Variants in AGBL1 observed in about 807,000 individuals in gnomAD.
The protein encoded by AGBL1 is AGBL carboxypeptidase 1.
In AGBL1, 130 loss-of-function variants were observed where a neutral mutation model predicts 118.9. The ratio of observed to expected loss-of-function variants is 1.09; its 90% confidence interval spans 0.95 to 1.26. The LOEUF (loss-of-function observed/expected upper bound fraction) is 1.26. AGBL1 is among the 50% of genes most tolerant of loss of function. The probability of loss-of-function intolerance (pLI) is 0.00; values close to 1 mark genes in which losing one functional copy is unlikely to be tolerated. For missense variants in AGBL1, 1,584 were observed against 1,298.1 expected, an observed-to-expected ratio of 1.22 and a Z score of -3.38; for synonymous variants, 555 against 478.9, an observed-to-expected ratio of 1.16 and a Z score of -2.08.
chr15:86,586,873 T>C (rs1167946599), intron 21 of AGBL1, among the ~76,000 whole-genome samples: 3 of 152,154 alleles, frequency 2.0e-5, no homozygotes, highest in African/African-American at 4.8e-5. Context: ...GGGTCTGTTA[T>C]TTGTCATGTG....
chr15:86,271,425 G>T (rs1314031642), intron 14 of AGBL1, among the ~76,000 whole-genome samples, 194 bp from the exon 15 acceptor site: 5 of 152,054 alleles, frequency 3.3e-5, no homozygotes, highest in African/African-American at 9.7e-5. Flanking sequence ...ATTTATGATT[G>T]CATTTAGGGC....
chr15:86,938,471 C>T (rs537330744), intron 23 of AGBL1, among the ~76,000 whole-genome samples: 2 of 152,146 alleles, frequency 1.3e-5, no homozygotes, highest in Non-Finnish European at 2.9e-5. Flanking sequence ...AAGTGTTGTT[C>T]CCTAATGCCT....
At chr15:86,432,730 G>A (rs190603933) in intron 18 of AGBL1, among the ~76,000 whole-genome samples, 134 of 152,350 alleles carry the variant, frequency 8.8e-4, no homozygotes, top group African/African-American at 3.2e-3. Context: ...GCCTGAAGGA[G>A]GTAGGGAGAT....
chr15:86,206,038 C>T (rs1253215503), intron 5 of AGBL1, among the ~76,000 whole-genome samples: 1 of 152,128 alleles, frequency 6.6e-6, no homozygotes. Context: ...CAAGTGTTCT[C>T]ATTGTTCGAT....
chr15:86,984,887 C>T (rs1317367816), intron 23 of AGBL1, among the ~76,000 whole-genome samples: 1 of 152,150 alleles, frequency 6.6e-6, no homozygotes, highest in Non-Finnish European at 1.5e-5. Flanking sequence ...ACTTCCATCC[C>T]TGCCTCCACT....
intron 18 of AGBL1, among the ~76,000 whole-genome samples, chr15:86,401,191 G>A (rs369883265): frequency 4.6e-5 from 7 of 152,028 alleles, no homozygotes; most frequent in African/African-American, 1.7e-4. Context: ...GTTTTAATTT[G>A]CATTTCCTTT....
intron 1 of AGBL1, among the ~76,000 whole-genome samples, chr15:86,108,494 T>C (rs1171602472): frequency 6.6e-6 from 1 of 152,178 alleles, no homozygotes; most frequent in East Asian, 1.9e-4. Flanking sequence ...ATACCTCCTG[T>C]AGTCCCAGGA....
At chr15:86,238,626 C>T (rs2078592300) in intron 6 of AGBL1, among the ~76,000 whole-genome samples, 1 of 152,076 alleles carries the variant, frequency 6.6e-6, no homozygotes, top group Non-Finnish European at 1.5e-5. Flanking sequence ...TGAGAAAATG[C>T]TGTCAGTTAC....
At chr15:86,295,686 C>T (rs968187754) in intron 17 of AGBL1, 1 of 251,216 alleles carries the variant, frequency 4.0e-6, no homozygotes, top group Non-Finnish European at 7.6e-6. Flanking sequence ...AAAACAGAAC[C>T]AGGACCCTGA....
At chr15:86,968,107 C>G (rs2081072660) in intron 23 of AGBL1, among the ~76,000 whole-genome samples, 1 of 151,728 alleles carries the variant, frequency 6.6e-6, no homozygotes, top group Non-Finnish European at 1.5e-5. Flanking sequence ...TAATATTGCC[C>G]AACTTCAAAG....
At chr15:86,114,656 A>T (rs904856740) in intron 1 of AGBL1, among the ~76,000 whole-genome samples, 1 of 152,148 alleles carries the variant, frequency 6.6e-6, no homozygotes, top group Non-Finnish European at 1.5e-5. Flanking sequence ...ATGCATATGA[A>T]TCCTGTTGAA....
chr15:86,399,284 T>C (rs1032074433), intron 18 of AGBL1, among the ~76,000 whole-genome samples: 2 of 152,130 alleles, frequency 1.3e-5, no homozygotes, highest in Non-Finnish European at 2.9e-5. Context: ...AGTGAATGGC[T>C]CCTCCCTGCT....
In AGBL1 at chr15:86,911,878, T is replaced by G. The variant is rs751378389; in HGVS notation, c.*4584T>G. The G allele has an allele frequency of 6.6e-6, 1 of 152,158 alleles. No individual in the cohort carries two copies. Among genetic ancestry groups the G allele is most frequent in the Non-Finnish European group, 1.5e-5 (1 of 68,024 alleles). 9.4% of individuals were successfully genotyped at this position (152,158 alleles called of 1,614,324 possible). On this transcript the variant is annotated 3_prime_UTR_variant, in exon 23 of 23. Coordinates refer to ENST00000614907, the MANE Select transcript of AGBL1 (RefSeq NM_001386094.1). ...CTGTTTATATATCTCTTTTATACTA[T>G]GCTTATTTTTAACTTGATAAATATG... is the stretch of plus-strand genomic sequence containing the variant.
chr15:86,461,011 A>G (rs1317557991), intron 18 of AGBL1, among the ~76,000 whole-genome samples: 1 of 152,154 alleles, frequency 6.6e-6, no homozygotes, highest in Non-Finnish European at 1.5e-5. Context: ...GAATGATATG[A>G]TCTTATTTTC....
At chr15:86,220,359 C>G (rs185443230) in intron 5 of AGBL1, among the ~76,000 whole-genome samples, 1 of 152,116 alleles carries the variant, frequency 6.6e-6, no homozygotes. Context: ...CTCTAGCATT[C>G]CCGTGAAGAT....
At chr15:86,713,910 C>A (rs577890266) in intron 22 of AGBL1, among the ~76,000 whole-genome samples, 1 of 152,080 alleles carries the variant, frequency 6.6e-6, no homozygotes, top group East Asian at 1.9e-4. Context: ...GTTGAGCATG[C>A]GGCTGTTAGA....
chr15:86,812,913 C>A (rs2078810084), intron 22 of AGBL1, among the ~76,000 whole-genome samples: 1 of 151,682 alleles, frequency 6.6e-6, no homozygotes, highest in African/African-American at 2.4e-5. Context: ...ATGCCAAAGT[C>A]CATGTTAAAG....
rs1483885339 is a variant in AGBL1, at chr15:86,914,757, T to C, written c.*7463T>C. On this transcript the variant is annotated 3_prime_UTR_variant, in exon 23 of 23. Transcript: ENST00000614907. ...AACTCAGGCAATCGGACTCTTAAAC[T>C]TGCTCTCCAAGGAAAAACATCTTTC... is the stretch of plus-strand genomic sequence containing the variant. The C allele has an allele frequency of 1.3e-5, 2 of 152,144 alleles. No individual in the cohort carries two copies. The highest frequency in any genetic ancestry group is 4.8e-5 in the African/African-American group (2 of 41,420). 9.4% of individuals were successfully genotyped at this position (152,144 alleles called of 1,614,324 possible). A position where few individuals can be genotyped will look rare whatever the true frequency, so the allele number is the denominator to read the frequency against.
chr15:86,541,135 G>A (rs1211162525), intron 19 of AGBL1, among the ~76,000 whole-genome samples: 1 of 152,206 alleles, frequency 6.6e-6, no homozygotes, highest in Non-Finnish European at 1.5e-5. Flanking sequence ...TAAGATGTAA[G>A]AGGTAAAAGT....
Sources: allele counts gnomAD v4.1 joint callset (sites outside exome capture counted in the v4.1 genomes callset), GRCh38; gene constraint gnomAD v4.1.1; transcripts MANE v1.5; gene names NCBI Gene and HGNC (gene_info 2026-07-23, HGNC 2026-07-21).